The following CSMD2 variants were observed in gnomAD, a reference collection of about 807,000 sequenced individuals.
CSMD2 encodes CUB and sushi domain-containing protein 2.
Under a neutral mutation model 398.5 loss-of-function variants are expected in CSMD2, and 130 were observed. The observed-to-expected ratio is 0.33, with a 90% CI of 0.28 to 0.38. The LOEUF (loss-of-function observed/expected upper bound fraction) is 0.38. Ranked by LOEUF, CSMD2 falls within the 10% of genes least tolerant of loss-of-function variation. The pLI, the probability that CSMD2 is intolerant of heterozygous loss-of-function variation, is 1.00. For synonymous variants in CSMD2, 1,828 were observed against 1,908.5 expected (o/e 0.96, Z 1.10); for missense variants, 3,829 against 4,764.9 (o/e 0.80, Z 5.78).
At position 34,140,394 on chromosome 1, in the gene CSMD2, C is replaced by T. The variant is rs370823645; in HGVS notation, c.187+24517G>A. Among the ~76,000 whole-genome samples, 7 of 151,876 alleles carry T rather than the reference C, an allele frequency of 4.6e-5. No homozygotes were observed. The South Asian group carries it at 6.2e-4, about 14-fold the overall frequency. ...ACAGCAGGCTGAAATTCTGGCTCTC[C>T]GAGCAAAGGCACCGCCACTTGCAAG... On this transcript the variant is annotated intron_variant, in intron 1 of 70. Transcript: ENST00000373381.
chr1:33,611,619 C>T (rs1641013186), intron 40 of CSMD2, among the ~76,000 whole-genome samples: 1 of 152,144 alleles, frequency 6.6e-6, no homozygotes, highest in African/African-American at 2.4e-5. Flanking sequence ...TTAAAAATAA[C>T]ACCCCCAATA....
chr1:33,896,214 G>C (rs896510834), intron 5 of CSMD2, among the ~76,000 whole-genome samples: 8 of 152,074 alleles, frequency 5.3e-5, no homozygotes, highest in Non-Finnish European at 1.5e-5. Context: ...TATTTGATGG[G>C]GGAATTGGCA....
intron 26 of CSMD2, 92 bp downstream of exon 26, chr1:33,662,798 G>A (rs374887992): frequency 8.9e-7 from 1 of 1,125,416 alleles, no homozygotes. Context: ...TCTTTACATG[G>A]ACTGAGGGAT....
intron 19 of CSMD2, among the ~76,000 whole-genome samples, chr1:33,723,365 G>A (rs1646423254): frequency 6.6e-6 from 1 of 152,196 alleles, no homozygotes. Flanking sequence ...AAGCATTAGT[G>A]TATTTGCCAA....
rs1557470200 is a variant in CSMD2 at position 33,518,759 on chromosome 1, GC to G, written c.*53+705del. Among the ~76,000 whole-genome samples the G allele has an allele frequency of 6.6e-6, 1 of 152,070 alleles. No individual in the cohort carries two copies. The highest frequency in any genetic ancestry group is 1.5e-5 in the Non-Finnish European group (1 of 68,028). ...TCCTGCTGGAATTTCTAGCCTGCTG[GC>G]CTGCCCTTTAGATTTCCACCTTGCC... On this transcript the variant is annotated intron_variant, in intron 70 of 70. Coordinates refer to ENST00000373381, the MANE Select transcript of CSMD2 (RefSeq NM_001281956.2). The surrounding 1 kb of genome is among the most constrained non-coding windows in gnomAD (Gnocchi z 4.3).
intron 3 of CSMD2, among the ~76,000 whole-genome samples, chr1:34,027,243 A>G (rs1236412404): frequency 1.3e-5 from 2 of 152,210 alleles, no homozygotes; most frequent in African/African-American, 4.8e-5. Flanking sequence ...GATTTATACA[A>G]TTATCAGTAC....
chr1:33,943,925 TAC>T (rs57400434), intron 3 of CSMD2, among the ~76,000 whole-genome samples: 22,489 of 144,130 alleles, frequency 0.16, 1,700 homozygotes, highest in East Asian at 0.2. Flanking sequence ...TAATCAGAAT[TAC>T]ACACACACAC....
chr1:33,551,192 G>C (rs1426512591), intron 55 of CSMD2, among the ~76,000 whole-genome samples: 5 of 152,216 alleles, frequency 3.3e-5, no homozygotes, highest in African/African-American at 4.8e-5. Context: ...CTGTGTTTGA[G>C]AGACAGCAAG....
intron 25 of CSMD2, among the ~76,000 whole-genome samples, chr1:33,677,132 C>T (rs1644741512): frequency 1.3e-5 from 2 of 152,122 alleles, no homozygotes; most frequent in African/African-American, 4.8e-5. Flanking sequence ...AACTAAAGAG[C>T]TTCTGCACAG....
intron 3 of CSMD2, among the ~76,000 whole-genome samples, chr1:34,007,148 G>A (rs183602577): frequency 2.4e-4 from 37 of 152,068 alleles, no homozygotes; most frequent in Admixed American, 9.2e-4. Flanking sequence ...GGACTGGCCC[G>A]CCTCGACCTG....
rs75143527 is a variant in CSMD2, at chr1:34,126,608, C to T, written c.188-37415G>A. ...GGGATTTCTAAGAGTCCTGTGCCCTCGCTCCCTTGTAGCAGCAGTTAGACA... is the reference window on the plus strand; with the variant it reads ...GGGATTTCTAAGAGTCCTGTGCCCTTGCTCCCTTGTAGCAGCAGTTAGACA... On this transcript the variant is annotated intron_variant, in intron 1 of 70. Transcript: ENST00000373381. Among the ~76,000 whole-genome samples the T allele has an allele frequency of 5.3e-3, 805 of 152,256 alleles. 11 individuals are homozygous for T. Among genetic ancestry groups the T allele is most frequent in the East Asian group, 0.051 (262 of 5,164 alleles).
chr1:33,638,141 C>T (rs535512732), intron 29 of CSMD2, among the ~76,000 whole-genome samples: 45 of 152,282 alleles, frequency 3.0e-4, no homozygotes, highest in African/African-American at 9.6e-4. Context: ...CATGGCCACT[C>T]GTCACAGGGC....
At position 33,537,070 on chromosome 1, in the gene CSMD2, G is replaced by C. The variant is rs769145613; in HGVS notation, c.9831C>G (p.Asp3277Glu). The C allele has an allele frequency of 1.2e-6, 2 of 1,614,186 alleles. No homozygotes were observed. The highest frequency in any genetic ancestry group is 1.7e-6 in the Non-Finnish European group (2 of 1,180,034). Residue 3277 changes from aspartate to glutamate, a missense_variant, in exon 62 of 71, where the codon GAC (aspartate) becomes GAG (glutamate). This residue lies in a region of CSMD2 where 917 missense variants were observed against 1,199.5 expected (regional missense o/e 0.76). Transcript: ENST00000373381. The surrounding 1 kb of genome is among the most constrained non-coding windows in gnomAD (Gnocchi z 4.6). ...CIDPTLTTCADPGVPQFGIQN... is the reference protein window; with the variant it reads ...CIDPTLTTCAEPGVPQFGIQN... ...GTATCCCAAACTGTGGCACACCAGGGTCCGCACACGTGGTCAGGGTCGGAT... is the reference window on the plus strand; with the variant it reads ...GTATCCCAAACTGTGGCACACCAGGCTCCGCACACGTGGTCAGGGTCGGAT...
At chr1:33,721,506 GT>G (rs1243263258) in intron 19 of CSMD2, among the ~76,000 whole-genome samples, 4 of 152,220 alleles carry the variant, frequency 2.6e-5, no homozygotes, top group African/African-American at 9.6e-5. Context: ...AATGACAGGG[GT>G]TGTTTCTCTA....
chr1:34,038,497 C>T (rs966011634), intron 2 of CSMD2, among the ~76,000 whole-genome samples: 4 of 152,274 alleles, frequency 2.6e-5, no homozygotes, highest in African/African-American at 9.6e-5. Context: ...TTTGTTTTTG[C>T]CTTCCTGCCA....
rs536942472 is a variant in CSMD2, at chr1:33,550,415, T to C, written c.8744-65A>G. On this transcript the variant is annotated intron_variant, in intron 55 of 70. Coordinates refer to ENST00000373381, the MANE Select transcript of CSMD2 (RefSeq NM_001281956.2). The stretch of plus-strand genomic sequence containing the variant: ...GGATGGCTCACCATCACACAATCCA[T>C]GCTAGGCTTCTTTAAGCAAGAGGCT... 13 of 1,498,222 alleles carry C rather than the reference T, an allele frequency of 8.7e-6. No homozygotes were observed. The African/African-American group carries it at 1.5e-4, about 17-fold the overall frequency. The allele number at this position is 1,498,222 out of a possible 1,614,324, so 92.8% of individuals were successfully genotyped here.
rs12091006 is a variant in CSMD2 at position 34,124,646 on chromosome 1, C to T, written c.188-35453G>A. Among the ~76,000 whole-genome samples, 274 of 152,276 alleles carry T rather than the reference C, an allele frequency of 1.8e-3. 1 individual carries two copies. Among genetic ancestry groups the T allele is most frequent in the African/African-American group, 6.2e-3 (258 of 41,554 alleles). The stretch of plus-strand genomic sequence containing the variant: ...AAACAAGAAGGGGTCTGTGCTCCCC[C>T]AGTGGATCAATGCGAGGTTGGCATC... On this transcript the variant is annotated intron_variant, in intron 1 of 70. Coordinates refer to ENST00000373381, the MANE Select transcript of CSMD2 (RefSeq NM_001281956.2).
chr1:34,141,625 A>G (rs896180566), intron 1 of CSMD2, among the ~76,000 whole-genome samples: 1 of 152,168 alleles, frequency 6.6e-6, no homozygotes, highest in Non-Finnish European at 1.5e-5. Context: ...CACTGGCCGG[A>G]GCAGAGTAAG....
At chr1:33,936,740 G>A (rs1221875173) in intron 3 of CSMD2, among the ~76,000 whole-genome samples, 2 of 152,218 alleles carry the variant, frequency 1.3e-5, no homozygotes, top group African/African-American at 4.8e-5. Context: ...TGTTCTAACT[G>A]ACCCAGCTTC....
Sources: gnomAD v4.1 joint callset for allele counts (sites outside exome capture counted in the v4.1 genomes callset) on GRCh38, gnomAD v4.1.1 for gene constraint, gnomAD v4.1.1 regional missense constraint, Gnocchi (gnomAD v3.1) non-coding constraint, MANE v1.5 for transcripts, NCBI Gene and HGNC (gene_info 2026-07-23, HGNC 2026-07-21) for gene names.